KSR2: variants seen among roughly 807,000 people sequenced by gnomAD.
KSR2 encodes the protein kinase suppressor of ras 2.
KSR2 carries 25 observed loss-of-function variants against 107.8 expected under a neutral mutation model. That is an observed-to-expected ratio of 0.23 (90% CI 0.17 to 0.32). The LOEUF (loss-of-function observed/expected upper bound fraction) is 0.32, where lower values mean the gene tolerates loss of function less well. Ranked by LOEUF, KSR2 falls within the 10% of genes least tolerant of loss-of-function variation. KSR2 has a pLI of 1.00. For synonymous variants in KSR2, 480 were observed against 507.0 expected, an observed-to-expected ratio of 0.95 and a Z score of 0.71; for missense variants, 887 against 1,268.9, an observed-to-expected ratio of 0.70 and a Z score of 4.57.
intron 1 of KSR2, among the ~76,000 whole-genome samples, chr12:117,877,949 G>A (rs1409610353): frequency 6.6e-6 from 1 of 152,198 alleles, no homozygotes; most frequent in Non-Finnish European, 1.5e-5. Context: ...ATGGGGCTTT[G>A]CCGCCCGGCC....
intron 1 of KSR2, among the ~76,000 whole-genome samples, chr12:117,906,629 TCA>T (rs1334695984): frequency 1.3e-5 from 2 of 151,844 alleles, no homozygotes; most frequent in African/African-American, 2.4e-5. Flanking sequence ...CTGCTTGCCT[TCA>T]CACAGTTTCT....
At position 117,531,711 on chromosome 12, in the gene KSR2, G is replaced by A. The variant is rs374154174; in HGVS notation, c.1688-4C>T. 1 of 1,596,600 alleles carries A rather than the reference G, an allele frequency of 6.3e-7. No homozygotes were observed. The highest frequency in any genetic ancestry group is 1.1e-5 in the South Asian group (1 of 87,658). The stretch of plus-strand genomic sequence containing the variant: ...TTGTATTTGTAGTAGTGGGATGCTT[G>A]CAAAAGAAAGAAAACATCAAAGTGA... On this transcript the variant is annotated splice_polypyrimidine_tract_variant and splice_region_variant and intron_variant, in intron 10 of 19. Transcript: ENST00000339824.
intron 3 of KSR2, among the ~76,000 whole-genome samples, chr12:117,778,540 A>G (rs1889773696): frequency 6.6e-6 from 1 of 152,262 alleles, no homozygotes; most frequent in African/African-American, 2.4e-5. Flanking sequence ...CTAGATGGAT[A>G]GTCTTGAGAA....
chr12:117,662,358 C>G (rs546660064), intron 5 of KSR2, among the ~76,000 whole-genome samples: 1 of 152,172 alleles, frequency 6.6e-6, no homozygotes, highest in Non-Finnish European at 1.5e-5. Context: ...TATAATCACC[C>G]CCATCCTGAG....
At chr12:117,492,176 C>A (rs984184436) in intron 14 of KSR2, among the ~76,000 whole-genome samples, 1 of 152,200 alleles carries the variant, frequency 6.6e-6, no homozygotes, top group Non-Finnish European at 1.5e-5. Context: ...CCCTTTGAGT[C>A]CCTATCTCAG....
intron 1 of KSR2, among the ~76,000 whole-genome samples, chr12:117,926,753 T>C (rs1895531772): frequency 6.6e-6 from 1 of 152,086 alleles, no homozygotes; most frequent in African/African-American, 2.4e-5. Flanking sequence ...CAATTAAAAC[T>C]CTCCAAGGGT....
Position 117,718,848 on chromosome 12 carries a change from C to T in KSR2, c.986+42163G>A, listed in dbSNP as rs568270451. Among the ~76,000 whole-genome samples the T allele has an allele frequency of 1.2e-4, 19 of 152,296 alleles. No homozygotes were observed. In the South Asian group the frequency reaches 3.9e-3, roughly 32 times the overall value. ...AGCTGCGTGTTGATCCCCGCTATGTCCCCTCTGCCATACCATCATGAACAT... is the reference window on the plus strand; with the variant it reads ...AGCTGCGTGTTGATCCCCGCTATGTTCCCTCTGCCATACCATCATGAACAT... On this transcript the variant is annotated intron_variant, in intron 4 of 19. Transcript: ENST00000339824.
chr12:117,582,663 C>T (rs1006105174), intron 5 of KSR2, among the ~76,000 whole-genome samples: 3 of 152,194 alleles, frequency 2.0e-5, no homozygotes, highest in African/African-American at 7.2e-5. Context: ...GATTCGCATG[C>T]CTTAGCTTGC....
intron 14 of KSR2, among the ~76,000 whole-genome samples, chr12:117,494,877 A>C (rs1185068367): frequency 6.6e-6 from 1 of 152,222 alleles, no homozygotes; most frequent in Non-Finnish European, 1.5e-5. Flanking sequence ...AAATCTGGGG[A>C]GAGAACTCCA....
chr12:117,794,100 GCA>G (rs1244463807), intron 3 of KSR2, among the ~76,000 whole-genome samples: 1 of 93,606 alleles, frequency 1.1e-5, no homozygotes, highest in Non-Finnish European at 1.9e-5. Flanking sequence ...ACACCAACAT[GCA>G]CACTCACACC....
intron 1 of KSR2, among the ~76,000 whole-genome samples, chr12:117,927,462 C>T (rs559072485): frequency 2.6e-5 from 4 of 151,716 alleles, no homozygotes; most frequent in Admixed American, 6.6e-5. Context: ...GAGGCCGAGG[C>T]AGGTGGATCA....
intron 4 of KSR2, among the ~76,000 whole-genome samples, chr12:117,700,284 TACA>T (rs1251526087): frequency 6.6e-6 from 1 of 152,192 alleles, no homozygotes; most frequent in Non-Finnish European, 1.5e-5. Flanking sequence ...CCCAAGGCTA[TACA>T]GCTACAGGGT....
At chr12:117,582,574 A>T (rs1879735239) in intron 5 of KSR2, among the ~76,000 whole-genome samples, 1 of 152,222 alleles carries the variant, frequency 6.6e-6, no homozygotes, top group South Asian at 2.1e-4. Context: ...GCCTTAAATG[A>T]AGCCAGCTGT....
chr12:117,805,395 T>C (rs1890976036), intron 3 of KSR2, among the ~76,000 whole-genome samples: 1 of 152,226 alleles, frequency 6.6e-6, no homozygotes, highest in African/African-American at 2.4e-5. Flanking sequence ...CTACACTCGC[T>C]AGTCATATAA....
intron 6 of KSR2, among the ~76,000 whole-genome samples, chr12:117,579,711 C>T (rs1879525791): frequency 6.6e-6 from 1 of 152,146 alleles, no homozygotes; most frequent in South Asian, 2.1e-4. Context: ...TGGGGAGTAT[C>T]AAAGGGAGCC....
At chr12:117,630,927 C>A (rs1237725391) in intron 5 of KSR2, among the ~76,000 whole-genome samples, 3 of 152,052 alleles carry the variant, frequency 2.0e-5, no homozygotes, top group Non-Finnish European at 2.9e-5. Context: ...CTCCAAAGAC[C>A]TGAGGATTCA....
At chr12:117,559,701 G>C (rs982831723) in intron 7 of KSR2, among the ~76,000 whole-genome samples, 1 of 152,164 alleles carries the variant, frequency 6.6e-6, no homozygotes, top group African/African-American at 2.4e-5. Flanking sequence ...TTTGAGAGGA[G>C]CCAAAGAGGA....
At chr12:117,855,732 C>G (rs1893082668) in intron 2 of KSR2, among the ~76,000 whole-genome samples, 154 bp from the exon 3 acceptor site, 1 of 152,146 alleles carries the variant, frequency 6.6e-6, no homozygotes, top group Admixed American at 6.5e-5. Flanking sequence ...CACTCATTAT[C>G]TAGATAACCT....
chr12:117,795,179 G>A (rs1472885359), intron 3 of KSR2, among the ~76,000 whole-genome samples: 1 of 152,146 alleles, frequency 6.6e-6, no homozygotes, highest in Non-Finnish European at 1.5e-5. Context: ...CCTTGCTGTT[G>A]ACAGTGCCTC....
Sources: allele counts gnomAD v4.1 joint callset (sites outside exome capture counted in the v4.1 genomes callset), GRCh38; gene constraint gnomAD v4.1.1; transcripts MANE v1.5; gene names NCBI Gene and HGNC (gene_info 2026-07-23, HGNC 2026-07-21).